EYS: variants seen among roughly 807,000 people sequenced by gnomAD.
EYS encodes the protein EGF-like photoreceptor maintenance factor, also known as protein eyes shut homolog.
In EYS, 250 loss-of-function variants were observed where a neutral mutation model predicts 282.1. The ratio of observed to expected loss-of-function variants is 0.89; its 90% confidence interval spans 0.80 to 0.98. The LOEUF is 0.98. Among genes scored for constraint, EYS ranks in the 50% least tolerant of loss-of-function variants. The pLI, the probability that EYS is intolerant of heterozygous loss-of-function variation, is 0.00. For missense variants in EYS, 4,016 were observed against 3,709.0 expected, an observed-to-expected ratio of 1.08 and a Z score of -2.15; for synonymous variants, 1,355 against 1,282.9, an observed-to-expected ratio of 1.06 and a Z score of -1.20.
intron 31 of EYS, among the ~76,000 whole-genome samples, chr6:64,125,154 G>GTCTCTC (rs112304740): frequency 5.5e-5 from 8 of 145,334 alleles, no homozygotes; most frequent in African/African-American, 1.0e-4. Flanking sequence ...CACACTCTCT[G>GTCTCTC]TCTCTCTCTC....
intron 19 of EYS, among the ~76,000 whole-genome samples, chr6:64,852,649 A>G (rs9363274): frequency 0.15 from 23,258 of 152,154 alleles, 2,017 homozygotes; most frequent in East Asian, 0.43. Context: ...AAATAAGATC[A>G]CTCATAAGTC....
intron 35 of EYS, among the ~76,000 whole-genome samples, chr6:63,957,808 C>G (rs74901906): frequency 0.022 from 3,030 of 140,626 alleles, 239 homozygotes; most frequent in African/African-American, 0.063. Flanking sequence ...GAAAGCTAGA[C>G]TTGACACTCA....
At position 64,475,550 on chromosome 6, in the gene EYS, C is replaced by CAAA. The variant is rs56710433; in HGVS notation, c.5645-36201_5645-36199dup. ...TGGGCGACAGAGCGAGACTCCGTCTCAAAAAAAAAAAAAAAAAAAAAAAGA... is the reference window on the plus strand; with the variant it reads ...TGGGCGACAGAGCGAGACTCCGTCTCAAAAAAAAAAAAAAAAAAAAAAAAAAGA... On this transcript the variant is annotated intron_variant, in intron 26 of 42. Coordinates refer to ENST00000503581, the MANE Select transcript of EYS (RefSeq NM_001142800.2). Among the ~76,000 whole-genome samples, 35 of 43,844 alleles carry CAAA rather than the reference C, an allele frequency of 8.0e-4. 1 individual carries two copies. Among genetic ancestry groups the CAAA allele is most frequent in the African/African-American group, 2.2e-3 (22 of 9,848 alleles). The allele number at this position is 43,844 out of a possible 152,430, so 28.8% of individuals were successfully genotyped here.
intron 40 of EYS, among the ~76,000 whole-genome samples, chr6:63,771,996 T>C (rs1337842613): frequency 2.0e-5 from 3 of 152,156 alleles, no homozygotes; most frequent in Non-Finnish European, 4.4e-5. Flanking sequence ...CTTATGTATT[T>C]TCTGTCCTAG....
chr6:63,741,205 A>G (rs1428539398), intron 41 of EYS, among the ~76,000 whole-genome samples: 1 of 152,214 alleles, frequency 6.6e-6, no homozygotes, highest in Non-Finnish European at 1.5e-5. Context: ...AACTTCACTC[A>G]TGATCACCAC....
intron 29 of EYS, among the ~76,000 whole-genome samples, chr6:64,338,029 G>T (rs933997888): frequency 6.6e-6 from 1 of 151,838 alleles, no homozygotes; most frequent in Non-Finnish European, 1.5e-5. Flanking sequence ...CATAATACTG[G>T]ATGGGGAAAA....
At chr6:64,853,209 C>T (rs767670703) in intron 19 of EYS, among the ~76,000 whole-genome samples, 5 of 151,866 alleles carry the variant, frequency 3.3e-5, no homozygotes, top group Non-Finnish European at 7.4e-5. Context: ...AATTATAGAA[C>T]AAAAATGGGA....
Position 65,405,231 on chromosome 6 carries a change from G to A in EYS, c.999C>T (p.Val333=). 3.1e-6 allele frequency: 5 copies of A among 1,613,226 alleles called. No individual in the cohort carries two copies. Among genetic ancestry groups the A allele is most frequent in the Non-Finnish European group, 4.2e-6 (5 of 1,179,472 alleles). The change falls in exon 6 of 43, where the codon GTC becomes GTT. Residue 333 remains valine (V), a synonymous_variant. Transcript: ENST00000503581. The part of the protein sequence containing the change: ...GSSSQNGETD[V]SEFSLVPCQN... ...GACATGGTACTAATGAAAACTCACT[G>A]ACATCAGTTTCACCATTTTGGCTGG...
At chr6:64,147,891 C>T (rs1774572861) in intron 31 of EYS, among the ~76,000 whole-genome samples, 1 of 152,084 alleles carries the variant, frequency 6.6e-6, no homozygotes, top group African/African-American at 2.4e-5. Context: ...GTGGACTTTG[C>T]ATGTATGAAA....
intron 2 of EYS, among the ~76,000 whole-genome samples, chr6:65,499,031 A>T (rs1420480780): frequency 1.3e-5 from 2 of 152,034 alleles, no homozygotes; most frequent in African/African-American, 4.8e-5. Flanking sequence ...TCACATAATT[A>T]CAACCATAAC....
intron 12 of EYS, among the ~76,000 whole-genome samples, chr6:65,252,906 T>C (rs1236421218): frequency 3.3e-5 from 5 of 151,892 alleles, no homozygotes; most frequent in South Asian, 2.1e-4. Context: ...ATGAAGATTA[T>C]CCATCTAAAT....
Position 64,591,090 on chromosome 6 carries a change from A to G in EYS, c.4777T>C (p.Leu1593=). The change falls in exon 26 of 43, where the codon TTA becomes CTA. Residue 1593 remains leucine (L), a synonymous_variant. Coordinates refer to ENST00000503581, the MANE Select transcript of EYS (RefSeq NM_001142800.2). ...YETFWMNSAI[L]ASWYALMGAQ... ...CCCATTAGTGCATACCAGCTGGCTA[A>G]TATCGCTGAGTTCATCCAGAATGTC... is the stretch of plus-strand genomic sequence containing the variant. 1 of 1,551,324 alleles carries G rather than the reference A, an allele frequency of 6.4e-7. No individual in the cohort carries two copies. Among genetic ancestry groups the G allele is most frequent in the Non-Finnish European group, 8.7e-7 (1 of 1,146,794 alleles).
chr6:64,841,754 C>T (rs1192097359), intron 19 of EYS, among the ~76,000 whole-genome samples: 4 of 152,108 alleles, frequency 2.6e-5, no homozygotes, highest in Non-Finnish European at 5.9e-5. Context: ...CAGCTATAGT[C>T]AAAATATGTG....
chr6:64,296,563 TATATATATATATATATATATACATATATA>T, intron 30 of EYS, among the ~76,000 whole-genome samples: 20 of 6,958 alleles, frequency 2.9e-3, no homozygotes, highest in African/African-American at 6.2e-3. Flanking sequence ...TATATATATA[TATATATATATATATATATATACATATATA>T]TATATATTTT....
intron 35 of EYS, among the ~76,000 whole-genome samples, chr6:63,976,254 T>G (rs1766831961): frequency 6.6e-6 from 1 of 152,016 alleles, no homozygotes; most frequent in Non-Finnish European, 1.5e-5. Flanking sequence ...TACCATGCAC[T>G]TAGTCTATAC....
chr6:63,983,270 A>T (rs529796156), intron 35 of EYS, among the ~76,000 whole-genome samples: 1 of 151,894 alleles, frequency 6.6e-6, no homozygotes, highest in South Asian at 2.1e-4. Context: ...AGTGAATCAG[A>T]AGCCAAATTT....
At chr6:64,380,105 C>T (rs1257345650) in intron 29 of EYS, among the ~76,000 whole-genome samples, 1 of 102,266 alleles carries the variant, frequency 9.8e-6, no homozygotes, top group African/African-American at 3.6e-5. Flanking sequence ...TGCTGATTTG[C>T]AACTTCAATT....
At chr6:65,287,407 T>G (rs1358792553) in intron 12 of EYS, among the ~76,000 whole-genome samples, 9 of 151,492 alleles carry the variant, frequency 5.9e-5, no homozygotes, top group Admixed American at 5.9e-4. Context: ...ATGCTTAACC[T>G]TTAAAAATGT....
At chr6:65,242,703 C>T (rs1008440763) in intron 12 of EYS, among the ~76,000 whole-genome samples, 1 of 152,018 alleles carries the variant, frequency 6.6e-6, no homozygotes, top group Non-Finnish European at 1.5e-5. Flanking sequence ...AAAATAGTTT[C>T]CAAAATTGCT....
Sources: allele counts gnomAD v4.1 joint callset (sites outside exome capture counted in the v4.1 genomes callset), GRCh38; gene constraint gnomAD v4.1.1; transcripts MANE v1.5; gene names NCBI Gene and HGNC (gene_info 2026-07-23, HGNC 2026-07-21).